Variants in HMGCLL1 observed in about 807,000 individuals in gnomAD.
The protein encoded by HMGCLL1 is 3-hydroxymethyl-3-methylglutaryl-CoA lyase, cytoplasmic.
Under a neutral mutation model 39.1 loss-of-function variants are expected in HMGCLL1, and 36 were observed. The observed-to-expected ratio is 0.92, with a 90% CI of 0.71 to 1.22. The LOEUF (loss-of-function observed/expected upper bound fraction) is 1.22, where lower values mean the gene tolerates loss of function less well. Ranked by LOEUF, HMGCLL1 falls within the 50% of genes most tolerant of loss-of-function variation. HMGCLL1 has a pLI of 0.00. For synonymous variants in HMGCLL1, 149 were observed against 144.0 expected (o/e 1.03, Z -0.25); for missense variants, 451 against 416.5 (o/e 1.08, Z -0.72).
At chr6:55,478,087 G>T (rs1284766448) in intron 7 of HMGCLL1, among the ~76,000 whole-genome samples, 4 of 143,144 alleles carry the variant, frequency 2.8e-5, no homozygotes, top group Non-Finnish European at 4.5e-5. Flanking sequence ...GTGAGGTTCT[G>T]TTTTTTTTTT....
intron 7 of HMGCLL1, among the ~76,000 whole-genome samples, chr6:55,465,106 T>A (rs576484380): frequency 6.6e-6 from 1 of 152,224 alleles, no homozygotes; most frequent in Non-Finnish European, 1.5e-5. Flanking sequence ...AATTGTGATA[T>A]ACAGGTTTTA....
chr6:55,477,239 AT>A lies in HMGCLL1; in HGVS notation c.795+18179del, dbSNP rs1425708007. On this transcript the variant is annotated intron_variant, in intron 7 of 8. Coordinates refer to ENST00000274901, the MANE Select transcript of HMGCLL1 (RefSeq NM_001042406.2). ...TATTATAATATATAATATATATTAT[AT>A]TTATATAATATATAATATATATTAT... Among the ~76,000 whole-genome samples the A allele has an allele frequency of 1.6e-3, 31 of 18,828 alleles. 2 individuals carry two copies. The highest frequency in any genetic ancestry group is 0.013 in the South Asian group (10 of 782). The allele number at this position is 18,828 out of a possible 152,430, so 12.4% of individuals were successfully genotyped here.
chr6:55,568,008 T>TG (rs1017325092), intron 1 of HMGCLL1, among the ~76,000 whole-genome samples: 1 of 152,072 alleles, frequency 6.6e-6, no homozygotes, highest in Admixed American at 6.6e-5. Context: ...ATAAACTATA[T>TG]GGGGGGAGAA....
chr6:55,650,133 A>ATATATAATATATATATATATATATATAT, the HMGCLL1 span, among the ~76,000 whole-genome samples: 1 of 67,260 alleles, frequency 1.5e-5, no homozygotes, highest in Non-Finnish European at 2.8e-5. Context: ...ATATATATAT[A>ATATATAATATATATATATATATATATAT]TACACACACA....
rs566710623 is a variant in HMGCLL1, at chr6:55,560,860, C to T, written c.108+18088G>A. On this transcript the variant is annotated intron_variant, in intron 1 of 8. Coordinates refer to ENST00000274901, the MANE Select transcript of HMGCLL1 (RefSeq NM_001042406.2). Reference sequence around the variant, plus strand: ...ACCAAAACAAAGAAAAAAATTTGCACACTTCTGCTAAACTTGGATGCAACC... The same window carrying T: ...ACCAAAACAAAGAAAAAAATTTGCATACTTCTGCTAAACTTGGATGCAACC... Among the ~76,000 whole-genome samples, 4 of 152,262 alleles carry T rather than the reference C, an allele frequency of 2.6e-5. No homozygotes were observed. In the South Asian group the frequency reaches 8.3e-4, roughly 32 times the overall value.
chr6:55,604,091 T>C, the HMGCLL1 span, among the ~76,000 whole-genome samples: 2 of 152,124 alleles, frequency 1.3e-5, no homozygotes, highest in African/African-American at 2.4e-5. Context: ...TCCTTCCCTT[T>C]TTTTTCTTTA....
intron 7 of HMGCLL1, among the ~76,000 whole-genome samples, chr6:55,477,217 TATAA>T (rs1477155148): frequency 0.22 from 3,815 of 17,008 alleles, 793 homozygotes; most frequent in African/African-American, 0.44. Context: ...TATATTATAT[TATAA>T]TATATAATAT....
intron 3 of HMGCLL1, among the ~76,000 whole-genome samples, chr6:55,538,835 TACACACACACAC>T (rs201267189): frequency 6.7e-6 from 1 of 149,010 alleles, no homozygotes; most frequent in African/African-American, 2.5e-5. Context: ...TATATACACA[TACACACACACAC>T]ACACACACTA....
intron 1 of HMGCLL1, among the ~76,000 whole-genome samples, chr6:55,559,044 C>T: frequency 6.6e-6 from 1 of 152,108 alleles, no homozygotes; most frequent in Non-Finnish European, 1.5e-5. Context: ...TTAGCAGACA[C>T]ATTTTGACTT....
intron 5 of HMGCLL1, among the ~76,000 whole-genome samples, chr6:55,507,517 ATTGT>A (rs1390826052): frequency 6.6e-6 from 1 of 151,758 alleles, no homozygotes; most frequent in African/African-American, 2.4e-5. Context: ...GATGACTTAT[ATTGT>A]TTGTTTTTTA....
chr6:55,657,435 T>G, the HMGCLL1 span, among the ~76,000 whole-genome samples: 1 of 152,028 alleles, frequency 6.6e-6, no homozygotes, highest in African/African-American at 2.4e-5. Context: ...CCCAGTACGA[T>G]TTACTGAATA....
the HMGCLL1 span, among the ~76,000 whole-genome samples, chr6:55,629,046 C>A: frequency 7.2e-5 from 11 of 152,080 alleles, no homozygotes; most frequent in African/African-American, 2.7e-4. Flanking sequence ...TACCTAAAAA[C>A]GTGGAAGCGA....
chr6:55,664,368 T>C, the HMGCLL1 span, among the ~76,000 whole-genome samples: 29 of 151,878 alleles, frequency 1.9e-4, no homozygotes, highest in Admixed American at 7.9e-4. Flanking sequence ...CTGGTAGTAA[T>C]AAACTGCCTC....
intron 7 of HMGCLL1, among the ~76,000 whole-genome samples, chr6:55,481,960 CTCTT>C (rs1765771660): frequency 6.6e-6 from 1 of 152,012 alleles, no homozygotes; most frequent in Non-Finnish European, 1.5e-5. Flanking sequence ...CTTCATCTGC[CTCTT>C]TCTTACTGTT....
At chr6:55,465,120 C>G (rs1408509293) in intron 7 of HMGCLL1, among the ~76,000 whole-genome samples, 1 of 152,132 alleles carries the variant, frequency 6.6e-6, no homozygotes, top group Non-Finnish European at 1.5e-5. Context: ...GGTTTTACAA[C>G]AAAGGTTTTA....
chr6:55,631,683 A>G, the HMGCLL1 span, among the ~76,000 whole-genome samples: 1 of 152,134 alleles, frequency 6.6e-6, no homozygotes, highest in Non-Finnish European at 1.5e-5. Flanking sequence ...TTACTATGTA[A>G]TCAATTAATT....
chr6:55,612,821 TG>T, the HMGCLL1 span, among the ~76,000 whole-genome samples: 1 of 152,098 alleles, frequency 6.6e-6, no homozygotes, highest in Non-Finnish European at 1.5e-5. Flanking sequence ...AAGACTTAAA[TG>T]TAAAACCCAA....
At chr6:55,649,018 T>C in the HMGCLL1 span, among the ~76,000 whole-genome samples, 6 of 152,118 alleles carry the variant, frequency 3.9e-5, no homozygotes, top group Admixed American at 3.3e-4. Flanking sequence ...TTTCTCTTCA[T>C]GTCTTATTGT....
At chr6:55,459,431 G>A (rs1764463605) in intron 7 of HMGCLL1, among the ~76,000 whole-genome samples, 1 of 151,984 alleles carries the variant, frequency 6.6e-6, no homozygotes, top group African/African-American at 2.4e-5. Flanking sequence ...TTGAAAAGTA[G>A]GGAGATTCTA....
Sources: allele counts gnomAD v4.1 joint callset (sites outside exome capture counted in the v4.1 genomes callset), GRCh38; gene constraint gnomAD v4.1.1; transcripts MANE v1.5; gene names NCBI Gene and HGNC (gene_info 2026-07-23, HGNC 2026-07-21).